The following FRMD6 variants were observed in gnomAD, a reference collection of about 807,000 sequenced individuals.
FRMD6 encodes FERM domain containing 6.
In FRMD6, 37 loss-of-function variants were observed where a neutral mutation model predicts 73.2. The observed-to-expected ratio is 0.51, with a 90% confidence interval of 0.39 to 0.66. The LOEUF is 0.66. FRMD6 is among the 30% of genes least tolerant of loss of function. FRMD6 has a pLI of 0.00. For missense variants in FRMD6, 714 were observed against 780.5 expected, an observed-to-expected ratio of 0.91 and a Z score of 1.02; for synonymous variants, 273 against 282.2, an observed-to-expected ratio of 0.97 and a Z score of 0.33.
In FRMD6 at chr14:51,540,078, T is replaced by G. The variant is rs143140072; in HGVS notation, c.-209-30270T>G. Among the ~76,000 whole-genome samples the G allele has an allele frequency of 1.4e-3, 206 of 152,228 alleles. 1 individual carries two copies. The Middle Eastern group carries it at 0.017, about 13-fold the overall frequency. On this transcript the variant is annotated intron_variant, in intron 1 of 14. Coordinates refer to the FRMD6 transcript ENST00000356218. ...AATGCTTTATAAATATCAGTGGCAATAGTTAGAACGTGTTTTTTTTCTTAA... is the reference window on the plus strand; with the variant it reads ...AATGCTTTATAAATATCAGTGGCAAGAGTTAGAACGTGTTTTTTTTCTTAA...
At chr14:51,651,575 C>A (rs962600577), upstream of FRMD6, 1 of 152,266 alleles carries the variant, frequency 6.6e-6, no homozygotes, top group Non-Finnish European at 1.5e-5. Context: ...AGGCCCTGAT[C>A]GCCGTGGTCC....
At chr14:51,718,200 A>G (rs1339406285) in intron 10 of FRMD6, among the ~76,000 whole-genome samples, 1 of 152,324 alleles carries the variant, frequency 6.6e-6, no homozygotes, top group East Asian at 1.9e-4. Flanking sequence ...AGGGTCTGGT[A>G]CAGCACTAGG....
Position 51,701,064 on chromosome 14 carries a change from C to T in FRMD6, c.199C>T (p.His67Tyr), listed in dbSNP as rs1297288266. The T allele has an allele frequency of 1.1e-5, 16 of 1,498,370 alleles. No homozygotes were observed. The highest frequency in any genetic ancestry group is 1.4e-5 in the Non-Finnish European group (16 of 1,106,890). The allele number at this position is 1,498,370 out of a possible 1,614,324, so 92.8% of individuals were successfully genotyped here. ...TTTTTTTTAATGTACAGATAATGAACATGTGTATATGGAGTTGTCACAAAA... is the reference window on the plus strand; with the variant it reads ...TTTTTTTTAATGTACAGATAATGAATATGTGTATATGGAGTTGTCACAAAA... ...FGLSVIQNNE[H>Y]VYMELSQKLY... The change falls in exon 4 of 14, where the codon CAT (histidine) becomes TAT (tyrosine). Residue 67 changes from histidine (H) to tyrosine (Y), a missense_variant. Physicochemically the swap from His to Tyr is moderately conservative, Grantham distance 83. Transcript: ENST00000344768.
intron 9 of FRMD6, 82 bp from the exon 10 acceptor site, chr14:51,715,243 C>T (rs1897174074): frequency 9.6e-7 from 1 of 1,039,438 alleles, no homozygotes; most frequent in Non-Finnish European, 1.4e-6. Context: ...CTATAATTTT[C>T]CTTACTAAAT....
At chr14:51,504,795 G>A (rs563396353) in intron 1 of FRMD6, among the ~76,000 whole-genome samples, 1 of 152,242 alleles carries the variant, frequency 6.6e-6, no homozygotes, top group South Asian at 2.1e-4. Flanking sequence ...TGTGATGAAG[G>A]CATCACACTC....
intron 2 of FRMD6, among the ~76,000 whole-genome samples, chr14:51,621,783 T>A (rs866643087): frequency 4.9e-4 from 75 of 152,198 alleles, no homozygotes; most frequent in African/African-American, 1.8e-3. Flanking sequence ...ACCCCTACTT[T>A]AAGATTGAGA....
intron 1 of FRMD6, among the ~76,000 whole-genome samples, chr14:51,554,185 A>G (rs1410540499): frequency 6.6e-6 from 1 of 152,248 alleles, no homozygotes; most frequent in Non-Finnish European, 1.5e-5. Context: ...AGCTGGAACA[A>G]TTTGACAAAT....
chr14:51,472,448 C>T, the FRMD6 span, among the ~76,000 whole-genome samples: 1 of 152,138 alleles, frequency 6.6e-6, no homozygotes, highest in East Asian at 1.9e-4. Context: ...GGACTACAGG[C>T]ACCTGCCACC....
intron 1 of FRMD6, among the ~76,000 whole-genome samples, chr14:51,657,177 C>T (rs1051245129): frequency 1.3e-5 from 2 of 151,882 alleles, no homozygotes; most frequent in African/African-American, 4.8e-5. Flanking sequence ...TTTCTCCCCA[C>T]AGGTAGTAGC....
At chr14:51,640,370 C>T (rs1177090083) in intron 2 of FRMD6, among the ~76,000 whole-genome samples, 1 of 152,152 alleles carries the variant, frequency 6.6e-6, no homozygotes, top group African/African-American at 2.4e-5. Context: ...TAAGCATCAA[C>T]AGGGCAACTA....
chr14:51,604,681 G>A (rs557206422), intron 2 of FRMD6, among the ~76,000 whole-genome samples: 2 of 152,100 alleles, frequency 1.3e-5, no homozygotes, highest in East Asian at 1.9e-4. Flanking sequence ...GCATCCCTTG[G>A]GTAGAACAAC....
chr14:51,624,665 G>A (rs1445230131), intron 2 of FRMD6, among the ~76,000 whole-genome samples: 3 of 152,148 alleles, frequency 2.0e-5, no homozygotes, highest in Non-Finnish European at 2.9e-5. Context: ...CTTAGCGAGT[G>A]GACAAGAGTG....
At chr14:51,474,537 C>T in the FRMD6 span, among the ~76,000 whole-genome samples, 2 of 152,086 alleles carry the variant, frequency 1.3e-5, no homozygotes, top group Non-Finnish European at 2.9e-5. Flanking sequence ...TGCCTTTGAA[C>T]TAGTGAGATT....
the FRMD6 span, among the ~76,000 whole-genome samples, chr14:51,438,706 A>G: frequency 1.3e-5 from 2 of 152,316 alleles, no homozygotes; most frequent in South Asian, 4.1e-4. Flanking sequence ...AATGCTCAAT[A>G]CTCAGTTCTC....
chr14:51,719,925 A>G, intron 10 of FRMD6, 130 bp from the exon 11 acceptor site: 1 of 683,118 alleles, frequency 1.5e-6, no homozygotes. Context: ...ATTCCTATCT[A>G]AATTATTACT....
At chr14:51,487,866 A>G (rs1373851110), upstream of FRMD6, among the ~76,000 whole-genome samples, 1 of 152,188 alleles carries the variant, frequency 6.6e-6, no homozygotes, top group Non-Finnish European at 1.5e-5. Context: ...GGTGATAGGT[A>G]TAGAGGGAAG....
chr14:51,482,923 C>T, the FRMD6 span, among the ~76,000 whole-genome samples: 2 of 151,844 alleles, frequency 1.3e-5, no homozygotes, highest in African/African-American at 2.4e-5. Context: ...AGACTGGTCT[C>T]GATCTCCTGA....
At chr14:51,478,016 G>T in the FRMD6 span, among the ~76,000 whole-genome samples, 6 of 152,140 alleles carry the variant, frequency 3.9e-5, no homozygotes, top group Admixed American at 1.3e-4. Context: ...AGGATTGCAG[G>T]TGTGAGCCAC....
chr14:51,673,112 G>T (rs1043782731), intron 1 of FRMD6, among the ~76,000 whole-genome samples: 2 of 152,116 alleles, frequency 1.3e-5, no homozygotes, highest in Non-Finnish European at 2.9e-5. Flanking sequence ...GCCTACTGAG[G>T]TGATATCCTT....
Sources: allele counts gnomAD v4.1 joint callset (sites outside exome capture counted in the v4.1 genomes callset), GRCh38; gene constraint gnomAD v4.1.1; transcripts MANE v1.5; gene names NCBI Gene and HGNC (gene_info 2026-07-23, HGNC 2026-07-21).